Variants in DNAH5 observed in about 807,000 individuals in gnomAD.
DNAH5 encodes the protein axonemal beta dynein heavy chain 5.
DNAH5 carries 372 observed loss-of-function variants against 518.2 expected under a neutral mutation model. The observed-to-expected ratio is 0.72, with a 90% CI of 0.66 to 0.78. The LOEUF is 0.78. Among genes scored for constraint, DNAH5 ranks in the 30% least tolerant of loss-of-function variants. The pLI is 0.00. For synonymous variants in DNAH5, 2,039 were observed against 2,025.9 expected, an observed-to-expected ratio of 1.01 and a Z score of -0.17; for missense variants, 5,523 against 5,687.0, an observed-to-expected ratio of 0.97 and a Z score of 0.93.
intron 35 of DNAH5, among the ~76,000 whole-genome samples, chr5:13,837,010 T>C (rs1764482051): frequency 6.6e-6 from 1 of 152,142 alleles, no homozygotes; most frequent in African/African-American, 2.4e-5. Flanking sequence ...CCTAAGACAA[T>C]GGGGACCTGG....
intron 65 of DNAH5, among the ~76,000 whole-genome samples, chr5:13,742,879 T>G (rs927431561): frequency 6.6e-6 from 1 of 151,992 alleles, no homozygotes; most frequent in Admixed American, 6.6e-5. Context: ...GCCAAATACT[T>G]GGGCTCTAGA....
chr5:13,777,440 G>T (rs1417019104), intron 53 of DNAH5, 85 bp from the exon 54 acceptor site: 1 of 1,261,710 alleles, frequency 7.9e-7, no homozygotes, highest in Non-Finnish European at 1.1e-6. Flanking sequence ...ATGCCATTTA[G>T]CTAACAAAAA....
intron 12 of DNAH5, among the ~76,000 whole-genome samples, chr5:13,905,350 C>T (rs558521810): frequency 4.0e-4 from 61 of 152,278 alleles, no homozygotes; most frequent in African/African-American, 1.3e-3. Context: ...TTATAAAAAA[C>T]GAGCTCAGCC....
At chr5:13,908,028 G>T (rs1775547069) in intron 12 of DNAH5, among the ~76,000 whole-genome samples, 1 of 152,184 alleles carries the variant, frequency 6.6e-6, no homozygotes, top group African/African-American at 2.4e-5. Context: ...GACCACCACA[G>T]GAGATACGAC....
In DNAH5 at chr5:13,862,588, C is replaced by A; in HGVS notation, c.4756G>T (p.Glu1586Ter). 1 of 1,614,032 alleles carries A rather than the reference C, an allele frequency of 6.2e-7. No homozygotes were observed. The highest frequency in any genetic ancestry group is 8.5e-7 in the Non-Finnish European group (1 of 1,179,968). ...GATCCCAGCAACATCAAGCTGTCCT[C>A]CATGTTGGCGATGATTTCCGAGGTA... is the stretch of plus-strand genomic sequence containing the variant. ...DSTSEIIANMEDSLMLLGSLL... is the reference protein window; with the variant it reads ...DSTSEIIANM Residue 1586 changes from glutamate to a stop codon, truncating the protein, a stop_gained, in exon 29 of 79, where the codon GAG (glutamate) becomes TAG (stop). Transcript: ENST00000265104. LOFTEE classifies it high-confidence loss of function.
chr5:13,817,444 A>G (rs1026156644), intron 42 of DNAH5, 104 bp downstream of exon 42: 11 of 1,186,392 alleles, frequency 9.3e-6, no homozygotes, highest in South Asian at 3.9e-5. Flanking sequence ...AGTCTTGGCT[A>G]AGATATTATA....
chr5:13,694,530 A>AG (rs752806218), intron 78 of DNAH5, among the ~76,000 whole-genome samples: 12 of 152,234 alleles, frequency 7.9e-5, no homozygotes, highest in Non-Finnish European at 1.5e-5. Flanking sequence ...AAGGAGGAGG[A>AG]GAGAGAAGAG....
intron 70 of DNAH5, among the ~76,000 whole-genome samples, chr5:13,721,745 C>T (rs948002718): frequency 1.3e-5 from 2 of 152,092 alleles, no homozygotes; most frequent in African/African-American, 4.8e-5. Context: ...AATCTCTCTC[C>T]TCATCATTGT....
chr5:13,696,180 G>A (rs138629783), intron 78 of DNAH5, among the ~76,000 whole-genome samples: 90 of 152,352 alleles, frequency 5.9e-4, no homozygotes, highest in African/African-American at 2.0e-3. Context: ...CCAGAGGTAT[G>A]TAGAAGGCTT....
chr5:13,880,266 TCAC>T (rs1771476052), intron 21 of DNAH5, among the ~76,000 whole-genome samples: 1 of 152,146 alleles, frequency 6.6e-6, no homozygotes, highest in Non-Finnish European at 1.5e-5. Flanking sequence ...AGAGAGTTTA[TCAC>T]CACAAGACCC....
At chr5:13,769,766 C>A (rs1449410893) in intron 56 of DNAH5, 151 bp from the exon 57 acceptor site, 7 of 710,324 alleles carry the variant, frequency 9.9e-6, no homozygotes, top group Non-Finnish European at 1.8e-5. Context: ...AAAAAGGATA[C>A]AGATCCAGTC....
At chr5:13,723,544 T>C (rs2652767) in intron 70 of DNAH5, among the ~76,000 whole-genome samples, 64,848 of 152,128 alleles carry the variant, frequency 0.43, 13,997 homozygotes, top group Middle Eastern at 0.5. Flanking sequence ...TAGAATACTA[T>C]GGGGCCAGAT....
chr5:13,950,626 C>T (rs547522416), intron 1 of DNAH5, among the ~76,000 whole-genome samples: 3 of 152,250 alleles, frequency 2.0e-5, no homozygotes, highest in East Asian at 1.9e-4. Context: ...TTCTCCCAAA[C>T]CTACACACAC....
At chr5:13,874,349 G>A (rs570253206) in intron 22 of DNAH5, among the ~76,000 whole-genome samples, 1 of 152,252 alleles carries the variant, frequency 6.6e-6, no homozygotes, top group East Asian at 1.9e-4. Context: ...ATGTTGGAGG[G>A]TATTCTTTTA....
chr5:13,816,859 C>T (rs1300851160), intron 42 of DNAH5, among the ~76,000 whole-genome samples: 1 of 152,204 alleles, frequency 6.6e-6, no homozygotes, highest in African/African-American at 2.4e-5. Context: ...TCTCCTGCTT[C>T]TTTCTCTCTG....
At chr5:14,000,805 G>A (rs1784300577) in intron 1 of DNAH5, among the ~76,000 whole-genome samples, 1 of 152,110 alleles carries the variant, frequency 6.6e-6, no homozygotes, top group East Asian at 1.9e-4. Context: ...CATACCCAAA[G>A]GAAAATACAT....
At chr5:13,875,026 T>G (rs1455455704) in intron 22 of DNAH5, among the ~76,000 whole-genome samples, 1 of 152,246 alleles carries the variant, frequency 6.6e-6, no homozygotes, top group Non-Finnish European at 1.5e-5. Context: ...TGACTAAGTG[T>G]ACATATATTC....
At position 13,839,530 on chromosome 5, in the gene DNAH5, T is replaced by C. The variant is rs548521732; in HGVS notation, c.5710-2A>G. On this transcript the variant is annotated splice_acceptor_variant, in intron 34 of 78. Coordinates refer to ENST00000265104, the MANE Select transcript of DNAH5 (RefSeq NM_001369.3). LOFTEE classifies it high-confidence loss of function. Reference sequence around the variant, plus strand: ...GGGACTCTTGATATGCATATGACACTGAAATTCAAAAGGTATATGTTAGAG... The same window carrying C: ...GGGACTCTTGATATGCATATGACACCGAAATTCAAAAGGTATATGTTAGAG... The C allele has an allele frequency of 2.7e-5, 43 of 1,612,626 alleles. No homozygotes were observed. The highest frequency in any genetic ancestry group is 1.0e-4 in the Admixed American group (6 of 59,996).
intron 57 of DNAH5, 49 bp downstream of exon 57, chr5:13,769,452 G>A: frequency 1.4e-6 from 2 of 1,443,252 alleles, no homozygotes; most frequent in South Asian, 1.1e-5. Flanking sequence ...TAACACTTGT[G>A]AACTGAGAAT....
Sources: gnomAD v4.1 joint callset for allele counts (sites outside exome capture counted in the v4.1 genomes callset) on GRCh38, gnomAD v4.1.1 for gene constraint, MANE v1.5 for transcripts, NCBI Gene and HGNC (gene_info 2026-07-23, HGNC 2026-07-21) for gene names.